Variants in A1CF observed in about 807,000 individuals in gnomAD.
A1CF encodes APOBEC-1 stimulating protein.
In A1CF, 48 loss-of-function variants were observed where a neutral mutation model predicts 68.9. The ratio of observed to expected loss-of-function variants is 0.70; its 90% CI spans 0.55 to 0.89. The LOEUF is 0.89. Among genes scored for constraint, A1CF ranks in the 40% least tolerant of loss-of-function variants. The pLI is 0.00. For synonymous variants in A1CF, 272 were observed against 260.4 expected, an observed-to-expected ratio of 1.04 and a Z score of -0.43; for missense variants, 653 against 718.9, an observed-to-expected ratio of 0.91 and a Z score of 1.05.
At chr10:50,814,097 C>A (rs1280324340) in intron 9 of A1CF, 59 bp from the exon 10 acceptor site, 3 of 1,587,964 alleles carry the variant, frequency 1.9e-6, no homozygotes, top group Non-Finnish European at 2.6e-6. Flanking sequence ...CTGAATCAAA[C>A]CACCAGAAAA....
intron 3 of A1CF, among the ~76,000 whole-genome samples, chr10:50,853,040 G>A (rs572655216): frequency 2.7e-4 from 41 of 152,162 alleles, no homozygotes; most frequent in African/African-American, 9.6e-4. Context: ...ATCAAAACAT[G>A]TGATTTCATT....
chr10:50,813,693 A>C (rs1446177296), intron 10 of A1CF, among the ~76,000 whole-genome samples, 164 bp downstream of exon 10: 4 of 152,216 alleles, frequency 2.6e-5, no homozygotes, highest in Non-Finnish European at 5.9e-5. Flanking sequence ...ATGGCACCAG[A>C]TGCCCAGCAT....
At chr10:50,816,508 C>A in intron 8 of A1CF, 1 of 526,950 alleles carries the variant, frequency 1.9e-6, no homozygotes, top group Non-Finnish European at 3.4e-6. Context: ...ACATATTGGC[C>A]AGTGTCCATT....
At chr10:50,835,891 T>G (rs1238676364) in intron 6 of A1CF, among the ~76,000 whole-genome samples, 183 bp downstream of exon 6, 1 of 152,196 alleles carries the variant, frequency 6.6e-6, no homozygotes, top group Non-Finnish European at 1.5e-5. Flanking sequence ...GAATGAATAT[T>G]TTTCAAAACT....
At chr10:50,806,907 A>T (rs778850078) in intron 12 of A1CF, 27 bp from the exon 13 acceptor site, 4 of 1,591,570 alleles carry the variant, frequency 2.5e-6, no homozygotes, top group Admixed American at 1.9e-5. Context: ...AGAAAACTTG[A>T]TGAAAGGAAT....
intron 10 of A1CF, among the ~76,000 whole-genome samples, chr10:50,813,419 G>T (rs557794878): frequency 6.6e-6 from 1 of 152,266 alleles, no homozygotes; most frequent in East Asian, 1.9e-4. Flanking sequence ...AGATATCATG[G>T]TGGAGTTTTC....
chr10:50,815,871 A>G (rs1179006331), intron 9 of A1CF, 135 bp downstream of exon 9: 5 of 1,003,628 alleles, frequency 5.0e-6, no homozygotes, highest in Non-Finnish European at 7.3e-6. Flanking sequence ...AACTATTGAT[A>G]TAATAGTTGA....
chr10:50,811,047 G>A lies in A1CF; in HGVS notation c.1453C>T (p.Pro485Ser). ...ITIPALASQNPAIHPFTPPKL... is the reference protein window; with the variant it reads ...ITIPALASQNSAIHPFTPPKL... ...TTTGGAGAAGTTACGCACATTGCAG[G>A]ATTCTGGCTGGCTAGAGCAGGAATA... The change falls in exon 11 of 13, where the codon CCT becomes TCT. Residue 485 changes from proline (P) to serine (S), a missense_variant. Transcript: ENST00000373997. The A allele has an allele frequency of 6.2e-7, 1 of 1,612,414 alleles. No individual in the cohort carries two copies. Among genetic ancestry groups the A allele is most frequent in the South Asian group, 1.1e-5 (1 of 90,746 alleles).
rs1267236873 is a variant in A1CF, at chr10:50,799,477, T to C, written c.*7252A>G. 6.6e-6 allele frequency: 1 copy of C among 152,188 alleles called. No individual in the cohort carries two copies. The highest frequency in any genetic ancestry group is 1.5e-5 in the Non-Finnish European group (1 of 68,012). The allele number at this position is 152,188 out of a possible 1,614,324, so 9.4% of individuals were successfully genotyped here. On this transcript the variant is annotated 3_prime_UTR_variant, in exon 13 of 13. Transcript: ENST00000373997. ...TAAAACAATTGCATCATCCAGGAAT[T>C]ATACAATATTGCATTGTCTCTCATT...
At position 50,872,353 on chromosome 10, in the gene A1CF, A is replaced by G. The variant is rs575267616; in HGVS notation, c.-93-8273T>C. 1.3e-4 allele frequency among the ~76,000 whole-genome samples: 20 copies of G among 152,306 alleles called. No individual in the cohort carries two copies. In the South Asian group the frequency reaches 4.1e-3, roughly 32 times the overall value. ...CAGTGATGTAGCTATTATTATTCCT[A>G]TGATATGGGTAATAAATCAAGGTAG... is the stretch of plus-strand genomic sequence containing the variant. On this transcript the variant is annotated intron_variant, in intron 1 of 12. Transcript: ENST00000373997.
intron 3 of A1CF, among the ~76,000 whole-genome samples, chr10:50,854,085 T>A (rs1305208323): frequency 6.6e-6 from 1 of 151,902 alleles, no homozygotes; most frequent in East Asian, 1.9e-4. Flanking sequence ...TTTCTTTTCT[T>A]TTTTTTAACT....
At chr10:50,867,454 T>C (rs1466573350) in intron 1 of A1CF, among the ~76,000 whole-genome samples, 3 of 152,194 alleles carry the variant, frequency 2.0e-5, no homozygotes, top group Non-Finnish European at 4.4e-5. Context: ...AACAAATCTG[T>C]TCTCATTCAT....
At chr10:50,839,842 A>T (rs1839689170) in intron 5 of A1CF, among the ~76,000 whole-genome samples, 1 of 152,044 alleles carries the variant, frequency 6.6e-6, no homozygotes, top group Admixed American at 6.5e-5. Flanking sequence ...CCACCCTGCC[A>T]GGTTCAAGCA....
intron 10 of A1CF, among the ~76,000 whole-genome samples, chr10:50,812,925 T>C (rs1302342982): frequency 6.6e-6 from 1 of 152,214 alleles, no homozygotes; most frequent in African/African-American, 2.4e-5. Context: ...ATAAGCTAAT[T>C]TGTGCATAAA....
rs186100225 is a variant in A1CF, at chr10:50,875,141, T to C, written c.-94+10440A>G. ...AAAATCTAATTAAAAAGAAAAAGAC[T>C]ACATGAGAAAGGTAGAAATTAGACA... On this transcript the variant is annotated intron_variant, in intron 1 of 12. Coordinates refer to ENST00000373997, the MANE Select transcript of A1CF (RefSeq NM_014576.4). Among the ~76,000 whole-genome samples, 66 of 152,282 alleles carry C rather than the reference T, an allele frequency of 4.3e-4. No homozygotes were observed. The East Asian group carries it at 0.011, about 26-fold the overall frequency.
intron 3 of A1CF, among the ~76,000 whole-genome samples, chr10:50,848,957 G>A (rs1205193110): frequency 1.3e-5 from 2 of 152,144 alleles, no homozygotes; most frequent in Non-Finnish European, 2.9e-5. Flanking sequence ...ACTCTTGACT[G>A]TGTCACTTGT....
rs914337039 is a variant in A1CF at position 50,850,841 on chromosome 10, A to G, written c.100-6719T>C. On this transcript the variant is annotated intron_variant, in intron 3 of 12. Coordinates refer to ENST00000373997, the MANE Select transcript of A1CF (RefSeq NM_014576.4). Reference sequence around the variant, plus strand: ...AAGTAATTAGGTGACAGCTTTAGTCATTCCTTAATCCGTTTGGAGCTTTTA... The same window carrying G: ...AAGTAATTAGGTGACAGCTTTAGTCGTTCCTTAATCCGTTTGGAGCTTTTA... The G allele has an allele frequency of 3.2e-6, 5 of 1,583,856 alleles. No homozygotes were observed. In the African/African-American group the frequency reaches 6.8e-5, roughly 22 times the overall value.
intron 6 of A1CF, 118 bp downstream of exon 6, chr10:50,835,956 A>C (rs1839467234): frequency 9.2e-6 from 9 of 982,288 alleles, no homozygotes; most frequent in Non-Finnish European, 1.3e-5. Flanking sequence ...AGAAGGATAA[A>C]AAATTTAAAA....
rs138789486 is a variant in A1CF, at chr10:50,864,908, G to A, written c.-93-828C>T. On this transcript the variant is annotated intron_variant, in intron 1 of 12. Coordinates refer to ENST00000373997, the MANE Select transcript of A1CF (RefSeq NM_014576.4). ...GCTGGGATTACAGGAGTGAGCCACC[G>A]TGCCTGGCCAATCCTCCCGGCAGGT... Among the ~76,000 whole-genome samples the A allele has an allele frequency of 1.2e-3, 190 of 152,170 alleles. 3 individuals are homozygous for A. The East Asian group carries it at 0.033, about 26-fold the overall frequency.
Sources: allele counts gnomAD v4.1 joint callset (sites outside exome capture counted in the v4.1 genomes callset), GRCh38; gene constraint gnomAD v4.1.1; transcripts MANE v1.5; gene names NCBI Gene and HGNC (gene_info 2026-07-23, HGNC 2026-07-21).